Variants in EYS observed in about 807,000 individuals in gnomAD.
EYS encodes the protein protein eyes shut homolog.
A neutral mutation model predicts 282.1 loss-of-function variants in EYS; 250 were observed. That is an observed-to-expected ratio of 0.89 (90% CI 0.80 to 0.98). The LOEUF is 0.98. Ranked by LOEUF, EYS falls within the 50% of genes least tolerant of loss-of-function variation. EYS has a pLI of 0.00. For missense variants in EYS, 4,016 were observed against 3,709.0 expected (o/e 1.08, Z -2.15); for synonymous variants, 1,355 against 1,282.9 (o/e 1.06, Z -1.20).
chr6:65,198,477 G>A (rs1388239899), intron 12 of EYS, among the ~76,000 whole-genome samples: 1 of 152,064 alleles, frequency 6.6e-6, no homozygotes, highest in Non-Finnish European at 1.5e-5. Flanking sequence ...TTACAATTTT[G>A]TAAGATTGGC....
intron 8 of EYS, among the ~76,000 whole-genome samples, chr6:65,382,537 C>G (rs138648131): frequency 1.2e-4 from 17 of 144,648 alleles, no homozygotes; most frequent in African/African-American, 4.4e-4. Context: ...ATGTATTAGT[C>G]AAGGTTCTCT....
chr6:64,600,320 G>T (rs79360406), intron 24 of EYS, among the ~76,000 whole-genome samples: 1,603 of 151,878 alleles, frequency 0.011, 43 homozygotes, highest in East Asian at 0.089. Flanking sequence ...AGATACATAG[G>T]ATATTTCTCT....
At chr6:64,307,125 G>C in intron 29 of EYS, 43 bp from the exon 30 acceptor site, 1 of 1,006,382 alleles carries the variant, frequency 9.9e-7, no homozygotes, top group Non-Finnish European at 1.5e-6. Context: ...TAATTTAAAT[G>C]ATTTTCTTGA....
chr6:64,308,126 A>T (rs1438431380), intron 29 of EYS, among the ~76,000 whole-genome samples: 1 of 152,060 alleles, frequency 6.6e-6, no homozygotes, highest in Non-Finnish European at 1.5e-5. Flanking sequence ...TTATCTGCAG[A>T]TATCAAAACA....
At chr6:65,318,024 C>T (rs1179123041) in intron 11 of EYS, among the ~76,000 whole-genome samples, 5 of 149,824 alleles carry the variant, frequency 3.3e-5, no homozygotes, top group Admixed American at 6.6e-5. Flanking sequence ...CCCGCCACCA[C>T]GCCCAGCTAA....
intron 30 of EYS, among the ~76,000 whole-genome samples, chr6:64,245,293 T>C (rs1278055508): frequency 6.6e-6 from 1 of 151,234 alleles, no homozygotes; most frequent in Admixed American, 6.6e-5. Flanking sequence ...TTGTTTTGTT[T>C]GTTTTGTTTT....
intron 41 of EYS, among the ~76,000 whole-genome samples, chr6:63,727,727 A>ATATATATATAT (rs1253035778): frequency 4.9e-5 from 3 of 61,680 alleles, no homozygotes; most frequent in South Asian, 5.2e-4. Context: ...AAAAAAAAAA[A>ATATATATATAT]AAAAAAAAAA....
intron 12 of EYS, among the ~76,000 whole-genome samples, chr6:65,294,435 A>G (rs944841834): frequency 1.3e-5 from 2 of 151,908 alleles, no homozygotes; most frequent in Non-Finnish European, 2.9e-5. Flanking sequence ...AGTGAAAGAA[A>G]CATAATAGTG....
intron 33 of EYS, among the ~76,000 whole-genome samples, chr6:64,045,134 G>A (rs1371181995): frequency 6.6e-6 from 1 of 152,040 alleles, no homozygotes; most frequent in Admixed American, 6.6e-5. Flanking sequence ...CAGCTACTGG[G>A]GTCAGAGTGA....
chr6:65,500,200 T>C (rs529341012), intron 2 of EYS, among the ~76,000 whole-genome samples: 6 of 151,904 alleles, frequency 3.9e-5, no homozygotes, highest in African/African-American at 1.4e-4. Flanking sequence ...AGGAGGCAGG[T>C]AATTTAGGAG....
At chr6:64,205,071 T>A (rs1765575774) in intron 31 of EYS, among the ~76,000 whole-genome samples, 1 of 152,300 alleles carries the variant, frequency 6.6e-6, no homozygotes, top group African/African-American at 2.4e-5. Flanking sequence ...TCTTCTGTAG[T>A]TTGAAATTGT....
chr6:63,990,538 C>T (rs1339086648), intron 34 of EYS, among the ~76,000 whole-genome samples: 1 of 151,646 alleles, frequency 6.6e-6, no homozygotes, highest in East Asian at 1.9e-4. Context: ...TTTGTCTTTT[C>T]TGATCCAGGA....
At chr6:64,098,932 G>T (rs115471641) in intron 31 of EYS, among the ~76,000 whole-genome samples, 1 of 152,012 alleles carries the variant, frequency 6.6e-6, no homozygotes, top group Non-Finnish European at 1.5e-5. Flanking sequence ...ACTAGGTAGC[G>T]GGCATACAAA....
intron 31 of EYS, among the ~76,000 whole-genome samples, chr6:64,131,948 C>T (rs532881251): frequency 6.6e-6 from 1 of 152,078 alleles, no homozygotes; most frequent in Non-Finnish European, 1.5e-5. Flanking sequence ...ATTTTCTTCC[C>T]GAGCCTTCAT....
intron 29 of EYS, among the ~76,000 whole-genome samples, chr6:64,326,240 T>C (rs1367518014): frequency 6.6e-6 from 1 of 152,108 alleles, no homozygotes; most frequent in Non-Finnish European, 1.5e-5. Flanking sequence ...TAACAGCCTG[T>C]CTTCTCTCTG....
intron 22 of EYS, among the ~76,000 whole-genome samples, chr6:64,655,446 C>T (rs948756856): frequency 1.1e-4 from 17 of 152,010 alleles, no homozygotes; most frequent in African/African-American, 3.9e-4. Context: ...ATATCTAATG[C>T]ATATTATATA....
chr6:64,936,696 T>C (rs1768917215), intron 15 of EYS, among the ~76,000 whole-genome samples: 1 of 151,252 alleles, frequency 6.6e-6, no homozygotes, highest in African/African-American at 2.4e-5. Flanking sequence ...AGATTCAAAT[T>C]CTTAAGAATA....
intron 26 of EYS, among the ~76,000 whole-genome samples, chr6:64,500,161 A>G (rs192991442): frequency 1.4e-4 from 22 of 152,264 alleles, no homozygotes; most frequent in Admixed American, 1.4e-3. Context: ...GCCCCAGAAT[A>G]TCCTGTATAC....
intron 12 of EYS, among the ~76,000 whole-genome samples, chr6:65,182,552 G>A (rs972700637): frequency 1.4e-5 from 2 of 144,012 alleles, no homozygotes; most frequent in African/African-American, 5.8e-5. Flanking sequence ...AAATTTCCTT[G>A]ACATGTTTTG....
Sources: allele counts gnomAD v4.1 joint callset (sites outside exome capture counted in the v4.1 genomes callset), GRCh38; gene constraint gnomAD v4.1.1; transcripts MANE v1.5; gene names NCBI Gene and HGNC (gene_info 2026-07-23, HGNC 2026-07-21).